Variants in SULF2 observed in about 807,000 individuals in gnomAD.
The protein encoded by SULF2 is extracellular sulfatase Sulf-2.
Under a neutral mutation model 107.7 loss-of-function variants are expected in SULF2, and 52 were observed. That is an observed-to-expected ratio of 0.48 (90% CI 0.39 to 0.61). The LOEUF (loss-of-function observed/expected upper bound fraction) is 0.61, where lower values mean the gene tolerates loss of function less well. Among genes scored for constraint, SULF2 ranks in the 20% least tolerant of loss-of-function variants. SULF2 has a pLI of 0.00. For synonymous variants in SULF2, 460 were observed against 464.3 expected (o/e 0.99, Z 0.12); for missense variants, 993 against 1,177.3 (o/e 0.84, Z 2.29).
At chr20:47,784,774 G>C (rs999839119) in intron 1 of SULF2, among the ~76,000 whole-genome samples, 1 of 152,262 alleles carries the variant, frequency 6.6e-6, no homozygotes, top group Non-Finnish European at 1.5e-5. Flanking sequence ...AGGAGCCGGG[G>C]AGGGGAGCAT....
At chr20:47,718,962 C>T (rs904876037) in intron 3 of SULF2, among the ~76,000 whole-genome samples, 13 of 152,098 alleles carry the variant, frequency 8.5e-5, no homozygotes, top group African/African-American at 3.1e-4. Flanking sequence ...ATCTGTTGTC[C>T]CAAGATATAA....
intron 1 of SULF2, among the ~76,000 whole-genome samples, chr20:47,766,980 G>A (rs1600679835): frequency 1.3e-5 from 2 of 151,680 alleles, no homozygotes; most frequent in Admixed American, 6.6e-5. Flanking sequence ...CAAAACTCTC[G>A]ATTCTCAGAG....
Position 47,746,994 on chromosome 20 carries a change from A to AT in SULF2, c.176-10053_176-10052insA, listed in dbSNP as rs1555853891. ...GAACTTAAATAAATAAAAAAAAAAA[A>AT]ATATATATATATATATATATATATA... On this transcript the variant is annotated intron_variant, in intron 2 of 20. Coordinates refer to ENST00000688720, the MANE Select transcript of SULF2 (RefSeq NM_001387048.1). Among the ~76,000 whole-genome samples, 1,243 of 131,726 alleles carry AT rather than the reference A, an allele frequency of 9.4e-3. 7 individuals are homozygous for AT. The highest frequency in any genetic ancestry group is 0.016 in the Non-Finnish European group (973 of 61,308). The allele number at this position is 131,726 out of a possible 152,430, so 86.4% of individuals were successfully genotyped here.
In SULF2 at chr20:47,723,902, C is replaced by T. The variant is rs138783056; in HGVS notation, c.415+12801G>A. On this transcript the variant is annotated intron_variant, in intron 3 of 20. Coordinates refer to ENST00000688720, the MANE Select transcript of SULF2 (RefSeq NM_001387048.1). ...ATCATCCCAAAACATCCCTCACCCC[C>T]AGTCCGTGGAAAAACTGTCTTCCAC... Among the ~76,000 whole-genome samples, 1,110 of 152,326 alleles carry T rather than the reference C, an allele frequency of 7.3e-3. 5 individuals are homozygous for T. The highest frequency in any genetic ancestry group is 0.031 in the Middle Eastern group (9 of 292).
intron 1 of SULF2, among the ~76,000 whole-genome samples, chr20:47,758,162 CTTTTTT>C (rs373618271): frequency 0.022 from 2,673 of 122,444 alleles, 81 homozygotes; most frequent in African/African-American, 0.07. Context: ...AAAAGTATTC[CTTTTTT>C]TTTTTTTTTT....
chr20:47,711,217 C>T (rs181415872), intron 3 of SULF2, among the ~76,000 whole-genome samples: 213 of 152,366 alleles, frequency 1.4e-3, no homozygotes, highest in Non-Finnish European at 1.3e-3. Context: ...TCAGTTCTCC[C>T]TTTTCCCAGT....
intron 3 of SULF2, among the ~76,000 whole-genome samples, chr20:47,719,454 G>A (rs1283261100): frequency 1.3e-5 from 2 of 152,104 alleles, no homozygotes; most frequent in African/African-American, 2.4e-5. Context: ...AAGGACGATC[G>A]CCCAGGATGA....
chr20:47,765,472 C>T (rs927295659), intron 1 of SULF2, among the ~76,000 whole-genome samples: 4 of 150,110 alleles, frequency 2.7e-5, no homozygotes, highest in Non-Finnish European at 4.4e-5. Context: ...ATTGGTCAGA[C>T]GGGAAACACT....
intron 2 of SULF2, among the ~76,000 whole-genome samples, chr20:47,738,422 C>T (rs2089798527): frequency 6.6e-6 from 1 of 152,182 alleles, no homozygotes; most frequent in African/African-American, 2.4e-5. Context: ...GTGCCCCCGT[C>T]CCCTAAAGAT....
rs1251483387 is a variant in SULF2, at chr20:47,677,119, C to G, written c.1209G>C (p.Lys403Asn). The change falls in exon 9 of 21, where the codon AAG (lysine) becomes AAC (asparagine). Residue 403 changes from lysine to asparagine, a missense_variant. Coordinates refer to ENST00000688720, the MANE Select transcript of SULF2 (RefSeq NM_001387048.1). ...AGGAGTCCCGCCAGACCCTCATCTTCTTTTTCAAGTGAAACCTGGAAAAAA... is the reference window on the plus strand; with the variant it reads ...AGGAGTCCCGCCAGACCCTCATCTTGTTTTTCAAGTGAAACCTGGAAAAAA... ...ERPVNRFHLK[K>N]KMRVWRDSFL... 7.4e-6 allele frequency: 12 copies of G among 1,613,468 alleles called. No homozygotes were observed. The highest frequency in any genetic ancestry group is 1.3e-5 in the African/African-American group (1 of 74,842).
chr20:47,749,194 TTGA>T (rs2090110139), intron 2 of SULF2, among the ~76,000 whole-genome samples: 1 of 152,182 alleles, frequency 6.6e-6, no homozygotes, highest in East Asian at 1.9e-4. Flanking sequence ...CCTGATAACC[TTGA>T]AGCCACCAAG....
In SULF2 at chr20:47,666,847, GT is replaced by G. The variant is rs1602590697; in HGVS notation, c.1577-360del. Among the ~76,000 whole-genome samples, 4 of 152,362 alleles carry G rather than the reference GT, an allele frequency of 2.6e-5. No homozygotes were observed. The East Asian group carries it at 7.7e-4, about 29-fold the overall frequency. On this transcript the variant is annotated intron_variant, in intron 11 of 20. Transcript: ENST00000688720. This position sits in a 1 kb window ranked among gnomAD's most constrained non-coding sequence, Gnocchi z 5.4. ...GATTCACGCTAGAGCGTGGATGAAT[GT>G]CAAAAGCAGGCGGAGTGAAACCAGC...
At chr20:47,741,491 A>G (rs1009986372) in intron 2 of SULF2, among the ~76,000 whole-genome samples, 3 of 151,920 alleles carry the variant, frequency 2.0e-5, no homozygotes, top group African/African-American at 7.3e-5. Flanking sequence ...TGACATTTTC[A>G]ACCCTGCACT....
intron 3 of SULF2, among the ~76,000 whole-genome samples, chr20:47,728,557 T>C (rs766036033): frequency 1.3e-5 from 2 of 152,122 alleles, no homozygotes; most frequent in Non-Finnish European, 2.9e-5. Context: ...GAAGGTCTCC[T>C]GAGCACCTAC....
intron 7 of SULF2, 110 bp downstream of exon 7, chr20:47,682,884 T>C: frequency 9.0e-7 from 1 of 1,105,380 alleles, no homozygotes; most frequent in Non-Finnish European, 1.3e-6. Context: ...CTGGGGTACA[T>C]CTGCGAAAAC....
chr20:47,782,426 A>G (rs2090849059), intron 1 of SULF2, among the ~76,000 whole-genome samples: 1 of 152,000 alleles, frequency 6.6e-6, no homozygotes, highest in South Asian at 2.1e-4. Context: ...ATCTCCACCA[A>G]GGCCCATTCC....
intron 3 of SULF2, among the ~76,000 whole-genome samples, chr20:47,731,185 C>CTTTT (rs199660759): frequency 0.011 from 988 of 93,032 alleles, 52 homozygotes; most frequent in African/African-American, 0.041. Flanking sequence ...CCTGTATCTT[C>CTTTT]TCTTTTTTTT....
rs1384233407 is a variant in SULF2 at position 47,785,380 on chromosome 20, GCGCCGC to G, written c.-144_-139del. ...CCCCGGCAACCTCACCCGGAGCGGG[GCGCCGC>G]CGCCGCCTCTGCCGCAGCCCGGCCG... On this transcript the variant is annotated 5_prime_UTR_variant, in exon 1 of 21. Coordinates refer to ENST00000688720, the MANE Select transcript of SULF2 (RefSeq NM_001387048.1). 1 of 145,302 alleles carries G rather than the reference GCGCCGC, an allele frequency of 6.9e-6. No homozygotes were observed. The highest frequency in any genetic ancestry group is 2.5e-5 in the African/African-American group (1 of 40,000). The allele number at this position is 145,302 out of a possible 1,614,324, so 9.0% of individuals were successfully genotyped here.
intron 3 of SULF2, among the ~76,000 whole-genome samples, chr20:47,730,913 G>A (rs2089582286): frequency 6.6e-6 from 1 of 152,178 alleles, no homozygotes; most frequent in African/African-American, 2.4e-5. Flanking sequence ...TGCAGAGCAG[G>A]TGATCCACGC....
Sources: allele counts gnomAD v4.1 joint callset (sites outside exome capture counted in the v4.1 genomes callset), GRCh38; gene constraint gnomAD v4.1.1; non-coding constraint Gnocchi (gnomAD v3.1); transcripts MANE v1.5; gene names NCBI Gene and HGNC (gene_info 2026-07-23, HGNC 2026-07-21).